The following PTK2 variants were observed in gnomAD, a reference collection of about 807,000 sequenced individuals.
PTK2 encodes the protein focal adhesion kinase 1.
Under a neutral mutation model 150.1 loss-of-function variants are expected in PTK2, and 45 were observed. The ratio of observed to expected loss-of-function variants is 0.30; its 90% CI spans 0.24 to 0.38. The LOEUF is 0.38. Among genes scored for constraint, PTK2 ranks in the 10% least tolerant of loss-of-function variants. PTK2 has a pLI of 1.00. For synonymous variants in PTK2, 432 were observed against 449.2 expected (o/e 0.96, Z 0.48); for missense variants, 919 against 1,307.3 (o/e 0.70, Z 4.58).
At chr8:140,845,961 A>G (rs1192948167) in intron 7 of PTK2, among the ~76,000 whole-genome samples, 1 of 152,186 alleles carries the variant, frequency 6.6e-6, no homozygotes, top group Non-Finnish European at 1.5e-5. Context: ...ATAATTTATA[A>G]GCAATTTATA....
chr8:140,745,063 A>T (rs1326327008), intron 18 of PTK2, among the ~76,000 whole-genome samples: 1 of 132,036 alleles, frequency 7.6e-6, no homozygotes, highest in Non-Finnish European at 1.5e-5. Flanking sequence ...AAAGCACAGT[A>T]CAAATTATTG....
At chr8:140,739,957 T>G (rs2100054764) in intron 20 of PTK2, among the ~76,000 whole-genome samples, 1 of 149,726 alleles carries the variant, frequency 6.7e-6, no homozygotes, top group South Asian at 2.1e-4. Flanking sequence ...TTTTGGGAAT[T>G]ACAAACATGT....
chr8:140,992,256 C>T (rs6989104), intron 1 of PTK2, among the ~76,000 whole-genome samples: 6,746 of 150,712 alleles, frequency 0.045, 405 homozygotes, highest in African/African-American at 0.13. Context: ...TGCGCCACTG[C>T]CCTCCAGCCT....
chr8:140,884,881 A>AT lies in PTK2; in HGVS notation c.196-5245dup, dbSNP rs768415653. On this transcript the variant is annotated intron_variant, in intron 3 of 31. Transcript: ENST00000522684. ...ATATTTTAACAAACTACATGAACTG[A>AT]TTTTTTTCCATTTACTATTACAGAT... 1.8e-4 allele frequency among the ~76,000 whole-genome samples: 28 copies of AT among 152,260 alleles called. 1 individual carries two copies. Among genetic ancestry groups the AT allele is most frequent in the Admixed American group, 1.5e-3 (23 of 15,286 alleles).
In PTK2 at chr8:140,964,215, A is replaced by T. The variant is rs1166841671; in HGVS notation, c.-122+36910T>A. On this transcript the variant is annotated intron_variant, in intron 1 of 31. Transcript: ENST00000522684. ...TCTACCACAGGATTTAGCCCACTGAACTATAATCAATAATTTGCCTGTTTT... is the reference window on the plus strand; with the variant it reads ...TCTACCACAGGATTTAGCCCACTGATCTATAATCAATAATTTGCCTGTTTT... Among the ~76,000 whole-genome samples the T allele has an allele frequency of 2.9e-4, 44 of 152,002 alleles. 1 individual carries two copies. Among genetic ancestry groups the T allele is most frequent in the Admixed American group, 2.8e-3 (43 of 15,260 alleles).
At chr8:140,676,084 A>C (rs1010751851) in intron 27 of PTK2, among the ~76,000 whole-genome samples, 1 of 152,234 alleles carries the variant, frequency 6.6e-6, no homozygotes, top group Non-Finnish European at 1.5e-5. Flanking sequence ...ACCACAAAAA[A>C]GAATACAATT....
At chr8:140,823,736 C>G (rs531494547) in intron 8 of PTK2, among the ~76,000 whole-genome samples, 9 of 152,330 alleles carry the variant, frequency 5.9e-5, no homozygotes, top group African/African-American at 2.2e-4. Flanking sequence ...GAATGCATCA[C>G]GGGCAGTCCC....
chr8:140,708,306 A>C (rs936066143), intron 23 of PTK2, among the ~76,000 whole-genome samples: 3 of 151,972 alleles, frequency 2.0e-5, no homozygotes, highest in Non-Finnish European at 4.4e-5. Context: ...TTTCCCCCTC[A>C]GTTTTGCTTA....
chr8:140,995,506 C>T (rs1235868427), intron 1 of PTK2, among the ~76,000 whole-genome samples: 1 of 151,678 alleles, frequency 6.6e-6, no homozygotes, highest in African/African-American at 2.4e-5. Context: ...TGAGAAAAAA[C>T]GTCAAAAACC....
At chr8:140,843,925 C>T (rs765457893) in intron 7 of PTK2, among the ~76,000 whole-genome samples, 1 of 151,786 alleles carries the variant, frequency 6.6e-6, no homozygotes, top group Admixed American at 6.6e-5. Flanking sequence ...GTTCCAACAT[C>T]ATATGGAGGA....
intron 1 of PTK2, among the ~76,000 whole-genome samples, chr8:140,941,738 T>C (rs573536411): frequency 6.6e-6 from 1 of 152,196 alleles, no homozygotes; most frequent in South Asian, 2.1e-4. Flanking sequence ...AGGGTCTCAC[T>C]TTTGTCACCT....
chr8:140,979,402 T>TAA (rs796130568), intron 1 of PTK2, among the ~76,000 whole-genome samples: 11 of 125,140 alleles, frequency 8.8e-5, no homozygotes, highest in African/African-American at 3.2e-4. Flanking sequence ...ACAAGTCAAT[T>TAA]AAAAAAAAAA....
At chr8:140,711,181 G>A (rs927928477) in intron 23 of PTK2, among the ~76,000 whole-genome samples, 8 of 151,616 alleles carry the variant, frequency 5.3e-5, no homozygotes, top group Admixed American at 2.0e-4. Flanking sequence ...ATCTCGGCTC[G>A]CTGCAACCTC....
intron 26 of PTK2, among the ~76,000 whole-genome samples, chr8:140,696,448 C>T (rs1024150105): frequency 3.3e-5 from 5 of 152,152 alleles, no homozygotes; most frequent in African/African-American, 1.2e-4. Context: ...GCTTGGCGCT[C>T]AGTAAGGTTC....
chr8:140,750,895 C>A (rs1035662191), intron 17 of PTK2, among the ~76,000 whole-genome samples: 2 of 152,044 alleles, frequency 1.3e-5, no homozygotes, highest in African/African-American at 4.8e-5. Flanking sequence ...TGGGAAACAG[C>A]AAAAACCTGT....
intron 1 of PTK2, among the ~76,000 whole-genome samples, chr8:140,930,440 A>G (rs1365008394): frequency 1.2e-4 from 18 of 152,140 alleles, no homozygotes. Flanking sequence ...TGGTTTTTGT[A>G]GCTTCTTAAG....
intron 22 of PTK2, among the ~76,000 whole-genome samples, chr8:140,728,854 T>C (rs1223435094): frequency 6.6e-6 from 1 of 152,154 alleles, no homozygotes; most frequent in Non-Finnish European, 1.5e-5. Context: ...ATATGGGTAG[T>C]ATTTGTGATC....
In PTK2 at chr8:140,797,487, T is replaced by C. The variant is rs1263516252; in HGVS notation, c.1093+2972A>G. ...ATTAAATGTAACAGTTCTATTTTTA[T>C]GTCTTCTGGAATTTATGCCATGCTT... On this transcript the variant is annotated intron_variant, in intron 12 of 31. Transcript: ENST00000522684. 5.3e-5 allele frequency among the ~76,000 whole-genome samples: 8 copies of C among 152,344 alleles called. No individual in the cohort carries two copies. In the East Asian group the frequency reaches 1.5e-3, roughly 29 times the overall value.
chr8:140,782,257 G>GT (rs997367386), intron 14 of PTK2, among the ~76,000 whole-genome samples: 4 of 148,950 alleles, frequency 2.7e-5, no homozygotes, highest in Admixed American at 6.7e-5. Flanking sequence ...TTTTTTTTGG[G>GT]GGGGGGGACA....
Sources: gnomAD v4.1 joint callset for allele counts (sites outside exome capture counted in the v4.1 genomes callset) on GRCh38, gnomAD v4.1.1 for gene constraint, MANE v1.5 for transcripts, NCBI Gene and HGNC (gene_info 2026-07-23, HGNC 2026-07-21) for gene names.